ZDHHC24: variants seen among roughly 807,000 people sequenced by gnomAD.
The protein encoded by ZDHHC24 is probable palmitoyltransferase ZDHHC24.
A neutral mutation model predicts 23.2 loss-of-function variants in ZDHHC24; 17 were observed. The ratio of observed to expected loss-of-function variants is 0.73; its 90% CI spans 0.50 to 1.10. ZDHHC24 has a LOEUF of 1.10. Among genes scored for constraint, ZDHHC24 ranks in the 50% least tolerant of loss-of-function variants. The pLI is 0.00. For missense variants in ZDHHC24, 366 were observed against 393.0 expected (o/e 0.93, Z 0.58); for synonymous variants, 186 against 194.5 (o/e 0.96, Z 0.36).
rs761912100 is a variant in ZDHHC24 at position 66,543,703 on chromosome 11, C to T, written c.559+1G>A. ...GTGCAGAGGCCTCCCAGGCTCCCCA[C>T]CTGTGAGCAACATGAGCCAGGGAAG... is the stretch of plus-strand genomic sequence containing the variant. On this transcript the variant is annotated splice_donor_variant, in intron 2 of 2. Transcript: ENST00000310442. LOFTEE classifies it high-confidence loss of function. The T allele has an allele frequency of 2.5e-5, 40 of 1,577,202 alleles. No homozygotes were observed. The highest frequency in any genetic ancestry group is 4.0e-4 in the Middle Eastern group (2 of 4,986).
chr11:66,521,683 A>C (rs1019504260), intron 4 of ZDHHC24: 28 of 371,530 alleles, frequency 7.5e-5, no homozygotes, highest in Non-Finnish European at 1.3e-4. Flanking sequence ...AGGCAAGCGG[A>C]TCACCTGAGG....
intron 4 of ZDHHC24, chr11:66,526,792 C>A (rs1370913745): frequency 6.2e-7 from 1 of 1,614,200 alleles, no homozygotes; most frequent in Non-Finnish European, 8.5e-7. Context: ...ACTGCGAGAG[C>A]GGGAGGCTGG....
chr11:66,521,600 G>A, intron 4 of ZDHHC24: 3 of 553,312 alleles, frequency 5.4e-6, no homozygotes, highest in Non-Finnish European at 9.7e-6. Flanking sequence ...CTATAGTACA[G>A]GAGTGATCAG....
intron 4 of ZDHHC24, among the ~76,000 whole-genome samples, chr11:66,525,314 G>A (rs552080414): frequency 4.1e-4 from 62 of 152,016 alleles, no homozygotes; most frequent in African/African-American, 1.2e-3. Flanking sequence ...AACTGAGATC[G>A]CGCCACTGCA....
chr11:66,529,426 T>C (rs1400696711), exon 3 of ZDHHC24: 2 of 952,830 alleles, frequency 2.1e-6, no homozygotes, highest in Non-Finnish European at 3.3e-6. Context: ...ATGCACAATA[T>C]CGAGCGTGGA....
intron 2 of ZDHHC24, 48 bp downstream of exon 2, chr11:66,543,656 C>A: frequency 1.3e-6 from 2 of 1,512,480 alleles, no homozygotes; most frequent in Non-Finnish European, 8.9e-7. Context: ...CTCCCCAGCC[C>A]AATACCAGGG....
Position 66,536,652 on chromosome 11 carries a change from A to C in ZDHHC24, c.*2877T>G, listed in dbSNP as rs1856976843. ...TTTGGGAGGCCGAGGCAGGTGGATC[A>C]CCTGAGGTCAGGAGTTCCAGACCAG... On this transcript the variant is annotated 3_prime_UTR_variant, in exon 3 of 3. Transcript: ENST00000310442. 6.5e-6 allele frequency: 1 copy of C among 152,748 alleles called. No homozygotes were observed. Among genetic ancestry groups the C allele is most frequent in the African/African-American group, 2.4e-5 (1 of 41,410 alleles). 9.5% of individuals were successfully genotyped at this position (152,748 alleles called of 1,614,324 possible). A position where few individuals can be genotyped will look rare whatever the true frequency, so the allele number is the denominator to read the frequency against.
chr11:66,528,163 C>A (rs1256567678), intron 3 of ZDHHC24, among the ~76,000 whole-genome samples: 2 of 152,146 alleles, frequency 1.3e-5, no homozygotes, highest in African/African-American at 4.8e-5. Context: ...TTGCAGTGAA[C>A]CAAGATCACG....
At position 66,529,418 on chromosome 11, in the gene ZDHHC24, G is replaced by T; in HGVS notation, c.630C>A (p.Cys210Ter). 2.0e-6 allele frequency: 2 copies of T among 1,016,374 alleles called. No individual in the cohort carries two copies. Among genetic ancestry groups the T allele is most frequent in the Non-Finnish European group, 1.5e-6 (1 of 671,286 alleles). The allele number at this position is 1,016,374 out of a possible 1,614,324, so 63.0% of individuals were successfully genotyped here. A position where few individuals can be genotyped will look rare whatever the true frequency, so the allele number is the denominator to read the frequency against. Reference sequence around the variant, plus strand: ...GCTCACTAAGCTGCTGGAGACACATGCACAATATCGAGCGTGGACACCAAG... The same window carrying T: ...GCTCACTAAGCTGCTGGAGACACATTCACAATATCGAGCGTGGACACCAAG... Residue 210 changes from cysteine (C) to a stop codon, truncating the protein, a stop_gained, in exon 3 of 5, where the codon TGC becomes TGA. Transcript: ENST00000526986. LOFTEE classifies it high-confidence loss of function.
chr11:66,534,701 T>G (rs1856906374), downstream of ZDHHC24, among the ~76,000 whole-genome samples: 1 of 152,002 alleles, frequency 6.6e-6, no homozygotes, highest in Admixed American at 6.6e-5. Context: ...TTTTATTTTA[T>G]TATTTGTTTT....
rs1590792062 is a variant in ZDHHC24 at position 66,539,521 on chromosome 11, T to C, written c.*8A>G. On this transcript the variant is annotated 3_prime_UTR_variant, in exon 3 of 3. Transcript: ENST00000310442. ...TTCCTCCCTGCACAGCTCTGGCTCT[T>C]CCTGGAGTCAGGAGGCTGTGTGTCC... 1.3e-6 allele frequency: 2 copies of C among 1,543,764 alleles called. No homozygotes were observed.
Position 66,536,547 on chromosome 11 carries a change from A to G in ZDHHC24, c.*2982T>C, listed in dbSNP as rs1024521496. ...CAACAGAGAGACTCCATCTCGAAAA[A>G]TAAAACAAAACACACAAAAAAACAT... On this transcript the variant is annotated 3_prime_UTR_variant, in exon 3 of 3. Coordinates refer to ENST00000310442, the MANE Select transcript of ZDHHC24 (RefSeq NM_207340.3). 1.3e-5 allele frequency: 2 copies of G among 153,792 alleles called. No homozygotes were observed. Among genetic ancestry groups the G allele is most frequent in the Non-Finnish European group, 2.9e-5 (2 of 68,052 alleles). 9.5% of individuals were successfully genotyped at this position (153,792 alleles called of 1,614,324 possible). A position where few individuals can be genotyped will look rare whatever the true frequency, so the allele number is the denominator to read the frequency against.
rs1466573904 is a variant in ZDHHC24, at chr11:66,539,537, C to T, written c.847G>A (p.Ala283Thr). 4 of 1,565,382 alleles carry T rather than the reference C, an allele frequency of 2.6e-6. No individual in the cohort carries two copies. The highest frequency in any genetic ancestry group is 2.7e-5 in the African/African-American group (2 of 73,662). Residue 283 changes from alanine (A) to threonine (T), a missense_variant, in exon 3 of 3, where the codon GCC becomes ACC. Ala to Thr is a moderately conservative substitution (Grantham distance 58, BLOSUM62 0). Coordinates refer to ENST00000310442, the MANE Select transcript of ZDHHC24 (RefSeq NM_207340.3). The stretch of plus-strand genomic sequence containing the variant: ...TCTGGCTCTTCCTGGAGTCAGGAGG[C>T]TGTGTGTCCCACATCTGCTGTGGTC... ...FQTTADVGHT[A>T]S is the part of the protein sequence containing the mutation.
chr11:66,539,100 G>A lies in ZDHHC24; in HGVS notation c.*429C>T. 1 of 301,824 alleles carries A rather than the reference G, an allele frequency of 3.3e-6. No homozygotes were observed. The highest frequency in any genetic ancestry group is 4.9e-6 in the Non-Finnish European group (1 of 202,706). The allele number at this position is 301,824 out of a possible 1,614,324, so 18.7% of individuals were successfully genotyped here. ...GATCAGTAGGACACTGCCTTGGCGT[G>A]CTGGTGCCCCACCCCCAACTCACCC... On this transcript the variant is annotated 3_prime_UTR_variant, in exon 3 of 3. Coordinates refer to ENST00000310442, the MANE Select transcript of ZDHHC24 (RefSeq NM_207340.3).
At chr11:66,544,718 T>TA (rs1048912012) in intron 1 of ZDHHC24, among the ~76,000 whole-genome samples, 1 of 152,118 alleles carries the variant, frequency 6.6e-6, no homozygotes, top group Admixed American at 6.6e-5. Context: ...AAAAATTAAT[T>TA]AAAAAAAATT....
In ZDHHC24 at chr11:66,543,931, G is replaced by C; in HGVS notation, c.332C>G (p.Ser111Cys). Residue 111 changes from serine to cysteine, a missense_variant, in exon 2 of 3, where the codon TCT becomes TGT. Coordinates refer to ENST00000310442, the MANE Select transcript of ZDHHC24 (RefSeq NM_207340.3). ...SQVPPRSGHC[S>C]ACRVCILRRD... ...ACGCAGGATGCAGACGCGGCAGGCA[G>C]AGCAGTGTCCGCTGCGTGGCGGCAC... The C allele has an allele frequency of 6.2e-7, 1 of 1,613,936 alleles. No homozygotes were observed. Among genetic ancestry groups the C allele is most frequent in the Non-Finnish European group, 8.5e-7 (1 of 1,179,912 alleles).
chr11:66,529,395 T>A, exon 3 of ZDHHC24: 1 of 1,273,712 alleles, frequency 7.9e-7, no homozygotes, highest in Non-Finnish European at 1.1e-6. Flanking sequence ...GCGAGGGTGC[T>A]CACTAAGCTG....
Position 66,545,955 on chromosome 11 carries a change from G to A in ZDHHC24, c.49C>T (p.Leu17=). Residue 17 remains leucine (L), a synonymous_variant, in exon 1 of 3, where the codon CTG becomes TTG. Transcript: ENST00000310442. This position sits in a 1 kb window ranked among gnomAD's most constrained non-coding sequence, Gnocchi z 4.5. ...AGSTDGAPAQ[L]PLVLTALWAA... ...CACAGCGCGGTGAGCACGAGAGGCAGCTGCGCGGGCGCCCCGTCCGTGCTC... is the reference window on the plus strand; with the variant it reads ...CACAGCGCGGTGAGCACGAGAGGCAACTGCGCGGGCGCCCCGTCCGTGCTC... 7.0e-7 allele frequency: 1 copy of A among 1,438,254 alleles called. No individual in the cohort carries two copies. Among genetic ancestry groups the A allele is most frequent in the Middle Eastern group, 2.5e-4 (1 of 4,058 alleles). 89.1% of individuals were successfully genotyped at this position (1,438,254 alleles called of 1,614,324 possible). A position where few individuals can be genotyped will look rare whatever the true frequency, so the allele number is the denominator to read the frequency against.
At chr11:66,521,368 T>G in exon 5 of ZDHHC24, 1 of 1,614,024 alleles carries the variant, frequency 6.2e-7, no homozygotes, top group Non-Finnish European at 8.5e-7. Flanking sequence ...ACATCTATAT[T>G]CTGAGAAGGT....
Sources: gnomAD v4.1 joint callset for allele counts (sites outside exome capture counted in the v4.1 genomes callset) on GRCh38, gnomAD v4.1.1 for gene constraint, Gnocchi (gnomAD v3.1) non-coding constraint, MANE v1.5 for transcripts, NCBI Gene and HGNC (gene_info 2026-07-23, HGNC 2026-07-21) for gene names.